SH3PXD2A: variants seen among roughly 807,000 people sequenced by gnomAD.
SH3PXD2A encodes SH3 and PX domain-containing protein 2A.
In SH3PXD2A, 32 loss-of-function variants were observed where a neutral mutation model predicts 115.2. That is an observed-to-expected ratio of 0.28 (90% CI 0.21 to 0.37). SH3PXD2A has a LOEUF of 0.37. Among genes scored for constraint, SH3PXD2A ranks in the 10% least tolerant of loss-of-function variants. The pLI is 1.00. For missense variants in SH3PXD2A, 1,328 were observed against 1,498.7 expected (o/e 0.89, Z 1.88); for synonymous variants, 610 against 629.1 (o/e 0.97, Z 0.45).
chr10:103,806,053 T>C (rs1295471631), intron 1 of SH3PXD2A, among the ~76,000 whole-genome samples: 1 of 152,182 alleles, frequency 6.6e-6, no homozygotes, highest in Non-Finnish European at 1.5e-5. Context: ...AGCAGTTCTT[T>C]CCTTGTTTGG....
chr10:103,673,342 T>C (rs192619646), intron 6 of SH3PXD2A: 114 of 152,168 alleles, frequency 7.5e-4, no homozygotes, highest in African/African-American at 2.6e-3. Flanking sequence ...TGTGGGAGGA[T>C]TGCTTAAGCC....
At chr10:103,770,779 C>T (rs1322187642) in intron 2 of SH3PXD2A, among the ~76,000 whole-genome samples, 1 of 152,118 alleles carries the variant, frequency 6.6e-6, no homozygotes, top group African/African-American at 2.4e-5. Context: ...GATATTGCTG[C>T]CATAGTGTAT....
chr10:103,807,286 G>A (rs1449709615), intron 1 of SH3PXD2A, among the ~76,000 whole-genome samples: 1 of 152,198 alleles, frequency 6.6e-6, no homozygotes, highest in African/African-American at 2.4e-5. Flanking sequence ...GTGCTGGTAA[G>A]TACCTGTTGC....
intron 14 of SH3PXD2A, 142 bp from the exon 15 acceptor site, chr10:103,603,931 C>T: frequency 1.1e-6 from 1 of 892,874 alleles, no homozygotes; most frequent in Non-Finnish European, 1.6e-6. Context: ...AGTAAGTGGC[C>T]CAAAACCCAA....
At chr10:103,695,797 T>C (rs1296677601) in intron 5 of SH3PXD2A, among the ~76,000 whole-genome samples, 2 of 152,234 alleles carry the variant, frequency 1.3e-5, no homozygotes, top group African/African-American at 2.4e-5. Context: ...GTGCTTGTAG[T>C]GCTGAAGGAG....
At chr10:103,660,955 G>C in intron 8 of SH3PXD2A, 28 bp downstream of exon 8, 1 of 1,612,762 alleles carries the variant, frequency 6.2e-7, no homozygotes, top group Non-Finnish European at 8.5e-7. Flanking sequence ...CGGAACCCCA[G>C]TGGACGGCCA....
At chr10:103,626,033 T>G (rs1219595691) in intron 9 of SH3PXD2A, among the ~76,000 whole-genome samples, 1 of 152,232 alleles carries the variant, frequency 6.6e-6, no homozygotes, top group Non-Finnish European at 1.5e-5. Flanking sequence ...AGGTGCAGGC[T>G]CAGCCCCAGG....
At chr10:103,667,974 G>C (rs2134076055) in intron 7 of SH3PXD2A, among the ~76,000 whole-genome samples, 1 of 152,330 alleles carries the variant, frequency 6.6e-6, no homozygotes, top group African/African-American at 2.4e-5. Context: ...TAGTCCCTGA[G>C]GGCCATCTCA....
intron 3 of SH3PXD2A, among the ~76,000 whole-genome samples, chr10:103,766,506 C>T (rs371875474): frequency 5.9e-5 from 9 of 152,156 alleles, no homozygotes; most frequent in African/African-American, 2.2e-4. Context: ...TAGAGATGTG[C>T]ATATGATAAC....
intron 7 of SH3PXD2A, chr10:103,661,833 G>C: frequency 1.0e-6 from 1 of 985,252 alleles, no homozygotes; most frequent in Non-Finnish European, 1.2e-6. Flanking sequence ...GCAGGGGAGG[G>C]GGAGGAGGCC....
rs777169140 is a variant in SH3PXD2A at position 103,666,704 on chromosome 10, CT to C, written c.472+1903del. On this transcript the variant is annotated intron_variant, in intron 7 of 14. Coordinates refer to ENST00000369774, the MANE Select transcript of SH3PXD2A (RefSeq NM_001394015.1). This position sits in a 1 kb window ranked among gnomAD's most constrained non-coding sequence, Gnocchi z 4.5. ...AAACAGGAACAATAGCAGTTCCTAC[CT>C]CATGGGAATTGTTCTGAGCACGGAA... Among the ~76,000 whole-genome samples, 2 of 152,216 alleles carry C rather than the reference CT, an allele frequency of 1.3e-5. No homozygotes were observed. The highest frequency in any genetic ancestry group is 2.9e-5 in the Non-Finnish European group (2 of 68,048).
At chr10:103,606,607 G>T (rs1237283462) in intron 13 of SH3PXD2A, among the ~76,000 whole-genome samples, 1 of 151,660 alleles carries the variant, frequency 6.6e-6, no homozygotes, top group Non-Finnish European at 1.5e-5. Context: ...TGATTCTCCT[G>T]CCTCAGCCTG....
rs115803084 is a variant in SH3PXD2A, at chr10:103,735,285, C to T, written c.306+447G>A. Among the ~76,000 whole-genome samples the T allele has an allele frequency of 3.9e-3, 590 of 152,264 alleles. 3 individuals are homozygous for T. The highest frequency in any genetic ancestry group is 0.014 in the African/African-American group (574 of 41,540). ...TGTGTACATGAACATTTGTAGTTAC[C>T]AAGATTTAGGTGAATAAACAAATGT... is the stretch of plus-strand genomic sequence containing the variant. On this transcript the variant is annotated intron_variant, in intron 4 of 14. Transcript: ENST00000369774.
chr10:103,835,777 G>A (rs912256172), intron 1 of SH3PXD2A, among the ~76,000 whole-genome samples: 2 of 152,136 alleles, frequency 1.3e-5, no homozygotes, highest in Admixed American at 6.5e-5. Context: ...CAGCACACCT[G>A]CACCACTCTA....
chr10:103,615,509 T>C (rs889957846), intron 11 of SH3PXD2A, among the ~76,000 whole-genome samples: 46 of 149,466 alleles, frequency 3.1e-4, no homozygotes, highest in South Asian at 8.5e-4. Flanking sequence ...TGTGTGTGTG[T>C]GTGTGTGTGT....
At chr10:103,696,975 C>T (rs2037832434) in intron 5 of SH3PXD2A, among the ~76,000 whole-genome samples, 1 of 152,144 alleles carries the variant, frequency 6.6e-6, no homozygotes, top group Admixed American at 6.5e-5. Flanking sequence ...CTCCATCCCT[C>T]CCCATCTAAA....
At chr10:103,678,449 G>A (rs1052396637) in intron 6 of SH3PXD2A, among the ~76,000 whole-genome samples, 5 of 152,230 alleles carry the variant, frequency 3.3e-5, no homozygotes, top group Admixed American at 6.5e-5. Flanking sequence ...GGGGAGCCCC[G>A]AGTTAACCCT....
chr10:103,670,707 T>C (rs1398889269), intron 6 of SH3PXD2A, among the ~76,000 whole-genome samples: 4 of 152,164 alleles, frequency 2.6e-5, no homozygotes, highest in Non-Finnish European at 2.9e-5. Context: ...AAATCTGAGG[T>C]TACAGCCCCT....
intron 14 of SH3PXD2A, 141 bp downstream of exon 14, chr10:103,605,657 T>G (rs2036289244): frequency 1.1e-5 from 11 of 1,020,884 alleles, no homozygotes; most frequent in Non-Finnish European, 1.5e-5. Flanking sequence ...AGGCAGATGC[T>G]CATCTTTGTG....
Sources: gnomAD v4.1 joint callset for allele counts (sites outside exome capture counted in the v4.1 genomes callset) on GRCh38, gnomAD v4.1.1 for gene constraint, Gnocchi (gnomAD v3.1) non-coding constraint, MANE v1.5 for transcripts, NCBI Gene and HGNC (gene_info 2026-07-23, HGNC 2026-07-21) for gene names.